SVIL: variants seen among roughly 807,000 people sequenced by gnomAD.
SVIL encodes the protein supervillin.
SVIL carries 101 observed loss-of-function variants against 240.4 expected under a neutral mutation model. That is an observed-to-expected ratio of 0.42 (90% confidence interval 0.36 to 0.50). The LOEUF (loss-of-function observed/expected upper bound fraction) is 0.50, where lower values mean the gene tolerates loss of function less well. Ranked by LOEUF, SVIL falls within the 20% of genes least tolerant of loss-of-function variation. The pLI is 0.01. For synonymous variants in SVIL, 999 were observed against 1,100.0 expected, an observed-to-expected ratio of 0.91 and a Z score of 1.82; for missense variants, 2,512 against 2,818.7, an observed-to-expected ratio of 0.89 and a Z score of 2.46.
chr10:29,631,390 T>C (rs1236169236), intron 1 of SVIL, among the ~76,000 whole-genome samples: 3 of 150,374 alleles, frequency 2.0e-5, no homozygotes, highest in Non-Finnish European at 3.0e-5. Context: ...ATGCCTGTAA[T>C]CCCAGCACTT....
chr10:29,680,554 C>G lies in SVIL; in HGVS notation c.-301+5999G>C, dbSNP rs192765439. Among the ~76,000 whole-genome samples the G allele has an allele frequency of 2.0e-3, 301 of 152,318 alleles. 1 individual carries two copies. Among genetic ancestry groups the G allele is most frequent in the Non-Finnish European group, 2.1e-3 (142 of 68,028 alleles). ...TCTTGCACTTTAGCCTCAGGGCTAT[C>G]ACCAAATATTTATGCTGTAAAAAGT... On this transcript the variant is annotated intron_variant, in intron 2 of 35. Coordinates refer to the SVIL transcript ENST00000375400.
Position 29,470,478 on chromosome 10 carries a change from A to C in SVIL, c.5641T>G (p.Trp1881Gly), listed in dbSNP as rs1227213128. 5 of 1,613,936 alleles carry C rather than the reference A, an allele frequency of 3.1e-6. No individual in the cohort carries two copies. The highest frequency in any genetic ancestry group is 1.7e-5 in the Admixed American group (1 of 60,012). Residue 1881 changes from tryptophan to glycine, a missense_variant, in exon 32 of 38, where the codon TGG (tryptophan) becomes GGG (glycine). This residue lies in a region of SVIL where 797 missense variants were observed against 925.3 expected (regional missense o/e 0.86). Transcript: ENST00000355867. The part of the protein sequence containing the change: ...EEEEENVQSE[W>G]RLYCVRGEVP... ...TCTCCACGCACGCAGTACAGCCGCC[A>C]CTCACCTGCAGGGGGCACCGGCGGC...
chr10:29,546,155 GAAT>G (rs1030788866), intron 6 of SVIL, among the ~76,000 whole-genome samples: 54 of 152,262 alleles, frequency 3.5e-4, no homozygotes, highest in African/African-American at 1.2e-3. Context: ...TTAAAAATCT[GAAT>G]AATCCATAGG....
intron 29 of SVIL, among the ~76,000 whole-genome samples, chr10:29,476,067 G>A (rs1312543955): frequency 2.0e-5 from 3 of 152,142 alleles, no homozygotes; most frequent in Admixed American, 1.3e-4. Context: ...TTAAGTTTGG[G>A]TGTTTTTGAG....
Position 29,458,318 on chromosome 10 carries a change from T to C in SVIL, c.6574A>G (p.Thr2192Ala). 1.9e-6 allele frequency: 3 copies of C among 1,614,236 alleles called. No individual in the cohort carries two copies. The highest frequency in any genetic ancestry group is 2.5e-6 in the Non-Finnish European group (3 of 1,180,044). ...DEDFEFALDM[T>A]RDEYNALPAW... ...GGCAGGGCGTTGTATTCATCCCTCG[T>C]CATGTCTAGTGCAAACTGGAAACAT... is the stretch of plus-strand genomic sequence containing the variant. Residue 2192 changes from threonine to alanine, a missense_variant, in exon 38 of 38, where the codon ACG (threonine) becomes GCG (alanine). By Grantham distance (58) the Thr-to-Ala change is moderately conservative (BLOSUM62 0). Coordinates refer to ENST00000355867, the MANE Select transcript of SVIL (RefSeq NM_021738.3).
At chr10:29,507,751 C>T (rs1949488755) in intron 17 of SVIL, 3 of 985,084 alleles carry the variant, frequency 3.0e-6, no homozygotes, top group Admixed American at 6.2e-5. Context: ...TTAATCGACA[C>T]AAAAGACAGG....
At chr10:29,721,969 G>A (rs895875345) in intron 1 of SVIL, among the ~76,000 whole-genome samples, 7 of 152,162 alleles carry the variant, frequency 4.6e-5, no homozygotes, top group Admixed American at 4.6e-4. Context: ...GGGTGCTGGT[G>A]GCTCACGCTT....
chr10:29,591,548 T>C lies in SVIL; in HGVS notation c.-200-22236A>G, dbSNP rs1564679126. On this transcript the variant is annotated intron_variant, in intron 1 of 37. Transcript: ENST00000355867. ...CAATCCTGTGCCATAGTAAAAATTT[T>C]GTACATAAGCATTGCTACTGTGCGA... Among the ~76,000 whole-genome samples, 3 of 152,234 alleles carry C rather than the reference T, an allele frequency of 2.0e-5. No homozygotes were observed. The South Asian group carries it at 6.2e-4, about 31-fold the overall frequency.
At chr10:29,632,490 C>CA (rs372500753) in intron 1 of SVIL, among the ~76,000 whole-genome samples, 6,104 of 94,750 alleles carry the variant, frequency 0.064, 150 homozygotes, top group Non-Finnish European at 0.072. Context: ...GACTCCATCT[C>CA]AAAAAAAAAA....
At chr10:29,700,882 T>G (rs1289436077) in intron 1 of SVIL, among the ~76,000 whole-genome samples, 1 of 152,126 alleles carries the variant, frequency 6.6e-6, no homozygotes. Flanking sequence ...AAAACAAGCT[T>G]GAGAAGCACT....
intron 3 of SVIL, among the ~76,000 whole-genome samples, chr10:29,559,408 G>A (rs966077609): frequency 6.6e-6 from 1 of 152,016 alleles, no homozygotes; most frequent in Non-Finnish European, 1.5e-5. Context: ...ATTGCAGCAT[G>A]AGGCCCCTTC....
At chr10:29,507,778 G>C in intron 17 of SVIL, 2 of 985,390 alleles carry the variant, frequency 2.0e-6, no homozygotes, top group Non-Finnish European at 2.4e-6. Context: ...TGGGCAGCAG[G>C]AATAGCAGGA....
At chr10:29,716,726 C>G (rs760980913) in intron 1 of SVIL, among the ~76,000 whole-genome samples, 1 of 152,134 alleles carries the variant, frequency 6.6e-6, no homozygotes, top group African/African-American at 2.4e-5. Flanking sequence ...ATAACTCTGG[C>G]CAGTTATAAA....
chr10:29,624,263 C>T (rs1957779362), intron 1 of SVIL, among the ~76,000 whole-genome samples: 1 of 151,906 alleles, frequency 6.6e-6, no homozygotes, highest in South Asian at 2.1e-4. Flanking sequence ...TAAAAACCAT[C>T]TGCTTGGCTC....
chr10:29,641,898 C>T (rs1388177050), intron 3 of SVIL, among the ~76,000 whole-genome samples: 3 of 152,088 alleles, frequency 2.0e-5, no homozygotes, highest in African/African-American at 7.2e-5. Context: ...AAACAGAAAA[C>T]AAAAGAAAAC....
At position 29,481,617 on chromosome 10, in the gene SVIL, A is replaced by G. The variant is rs1372437497; in HGVS notation, c.5067T>C (p.Asn1689=). ...FLDWTELKRS[N]EKNPGELAQH... ...GGGCAAGTTCCCCGGGGTTCTTCTC[A>G]TTCGATCTCTTCAGTTCCGTCCAAT... The change falls in exon 28 of 38, where the codon AAT becomes AAC. Residue 1689 remains asparagine, a synonymous_variant. Coordinates refer to ENST00000355867, the MANE Select transcript of SVIL (RefSeq NM_021738.3). 6.2e-7 allele frequency: 1 copy of G among 1,614,094 alleles called. No homozygotes were observed. The highest frequency in any genetic ancestry group is 2.2e-5 in the East Asian group (1 of 44,866).
intron 6 of SVIL, among the ~76,000 whole-genome samples, chr10:29,548,031 A>G (rs929854423): frequency 6.6e-6 from 1 of 152,182 alleles, no homozygotes; most frequent in Middle Eastern, 3.2e-3. Flanking sequence ...CAGTCCCTAC[A>G]TTTCCAGTTA....
In SVIL at chr10:29,718,420, T is replaced by C. The variant is rs566508568; in HGVS notation, c.-400+17331A>G. On this transcript the variant is annotated intron_variant, in intron 1 of 35. Transcript: ENST00000375400. Reference sequence around the variant, plus strand: ...ATATGTGGTTTACATTACATATCTGTTGAATATCTAGGGACCCTGGCTACT... The same window carrying C: ...ATATGTGGTTTACATTACATATCTGCTGAATATCTAGGGACCCTGGCTACT... Among the ~76,000 whole-genome samples, 26 of 152,332 alleles carry C rather than the reference T, an allele frequency of 1.7e-4. No individual in the cohort carries two copies. In the South Asian group the frequency reaches 5.2e-3, roughly 30 times the overall value.
chr10:29,505,063 CTGTAA>C (rs1268227505), intron 17 of SVIL, among the ~76,000 whole-genome samples: 1 of 152,214 alleles, frequency 6.6e-6, no homozygotes, highest in African/African-American at 2.4e-5. Context: ...AGGCTCACGC[CTGTAA>C]TCCCAACACT....
Sources: allele counts gnomAD v4.1 joint callset (sites outside exome capture counted in the v4.1 genomes callset), GRCh38; gene constraint gnomAD v4.1.1; regional missense constraint gnomAD v4.1.1; transcripts MANE v1.5; gene names NCBI Gene and HGNC (gene_info 2026-07-23, HGNC 2026-07-21).